TOR1AIP2: variants seen among roughly 807,000 people sequenced by gnomAD.
TOR1AIP2 encodes the protein torsin-1A-interacting protein 2.
TOR1AIP2 carries 20 observed loss-of-function variants against 32.6 expected under a neutral mutation model. That is an observed-to-expected ratio of 0.61 (90% confidence interval 0.43 to 0.89). The LOEUF (loss-of-function observed/expected upper bound fraction) is 0.89. Ranked by LOEUF, TOR1AIP2 falls within the 40% of genes least tolerant of loss-of-function variation. The pLI, the probability that TOR1AIP2 is intolerant of heterozygous loss-of-function variation, is 0.00. For synonymous variants in TOR1AIP2, 214 were observed against 210.8 expected (o/e 1.02, Z -0.13); for missense variants, 456 against 553.8 (o/e 0.82, Z 1.77).
rs1261633992 is a variant in TOR1AIP2 at position 179,851,049 on chromosome 1, G to A, written c.349C>T (p.Pro117Ser). Reference protein sequence around the residue: ...NLGKEPLDPDPSHSPSDKVGR... With the variant: ...NLGKEPLDPDSSHSPSDKVGR... ...ACCTTGTCACTTGGAGAATGGCTGGGATCTGGATCCAAGGGTTCTTTACCC... is the reference window on the plus strand; with the variant it reads ...ACCTTGTCACTTGGAGAATGGCTGGAATCTGGATCCAAGGGTTCTTTACCC... The change falls in exon 5 of 7, where the codon CCC (proline) becomes TCC (serine). Residue 117 changes from proline (P) to serine (S), a missense_variant. Physicochemically the swap from Pro to Ser is moderately conservative, Grantham distance 74 (BLOSUM62 -1). Transcript: ENST00000609928. 6.2e-7 allele frequency: 1 copy of A among 1,614,226 alleles called. No homozygotes were observed. Among genetic ancestry groups the A allele is most frequent in the Non-Finnish European group, 8.5e-7 (1 of 1,180,032 alleles).
chr1:179,851,614 T>C lies in TOR1AIP2; in HGVS notation c.35-251A>G, dbSNP rs568980388. The stretch of plus-strand genomic sequence containing the variant: ...ATGACAGAACAAACTTTTGGCTATA[T>C]TAAATATATCCTCTTCCCTAATGAA... On this transcript the variant is annotated intron_variant, in intron 4 of 6. Transcript: ENST00000609928. Among the ~76,000 whole-genome samples, 7 of 152,310 alleles carry C rather than the reference T, an allele frequency of 4.6e-5. No homozygotes were observed. The South Asian group carries it at 1.4e-3, about 32-fold the overall frequency.
At chr1:179,873,528 T>C (rs1372620554) in intron 2 of TOR1AIP2, among the ~76,000 whole-genome samples, 1 of 152,246 alleles carries the variant, frequency 6.6e-6, no homozygotes, top group African/African-American at 2.4e-5. Flanking sequence ...TTTGTTAACA[T>C]AGTACCTCCA....
At chr1:179,874,510 A>G (rs1473132060) in intron 2 of TOR1AIP2, 1 of 152,304 alleles carries the variant, frequency 6.6e-6, no homozygotes, top group African/African-American at 2.4e-5. Context: ...CTATAATCCC[A>G]GCCTTTTAGG....
intron 3 of TOR1AIP2, among the ~76,000 whole-genome samples, chr1:179,854,763 C>T (rs1267130823): frequency 6.6e-6 from 1 of 152,050 alleles, no homozygotes; most frequent in Non-Finnish European, 1.5e-5. Flanking sequence ...CCCAGCTACT[C>T]AGGAGGCTGA....
rs1553234115 is a variant in TOR1AIP2 at position 179,843,530 on chromosome 1, A to AAG, written c.*2540_*2541insCT. On this transcript the variant is annotated 3_prime_UTR_variant, in exon 7 of 7. Coordinates refer to ENST00000609928, the MANE Select transcript of TOR1AIP2 (RefSeq NM_001199260.2). ...TCTCTCAAAAAAAAAAAAAAAAAAA[A>AAG]AAGAAGTTTGGTTGGGTGCATTGGG... is the stretch of plus-strand genomic sequence containing the variant. 1.3e-5 allele frequency: 2 copies of AAG among 151,864 alleles called. No homozygotes were observed. Among genetic ancestry groups the AAG allele is most frequent in the African/African-American group, 2.4e-5 (1 of 41,018 alleles). 9.4% of individuals were successfully genotyped at this position (151,864 alleles called of 1,614,324 possible). A position where few individuals can be genotyped will look rare whatever the true frequency, so the allele number is the denominator to read the frequency against.
intron 2 of TOR1AIP2, among the ~76,000 whole-genome samples, chr1:179,866,877 T>C (rs1239074466): frequency 6.6e-6 from 1 of 152,202 alleles, no homozygotes; most frequent in Non-Finnish European, 1.5e-5. Context: ...ATGTAGCATG[T>C]AAATAAGGTG....
chr1:179,855,458 T>A (rs1281428), intron 3 of TOR1AIP2, among the ~76,000 whole-genome samples: 40,207 of 151,940 alleles, frequency 0.26, 5,686 homozygotes, highest in African/African-American at 0.36. Flanking sequence ...TAATGAATAT[T>A]AAAAAACAGT....
At chr1:179,863,677 C>CAAAAA (rs904854823) in intron 3 of TOR1AIP2, 43 of 859,824 alleles carry the variant, frequency 5.0e-5, no homozygotes, top group Middle Eastern at 6.1e-4. Context: ...TTTTAAAAAG[C>CAAAAA]AAAAAAAAAA....
intron 5 of TOR1AIP2, among the ~76,000 whole-genome samples, chr1:179,849,274 T>A (rs1696031699): frequency 6.6e-6 from 1 of 152,080 alleles, no homozygotes; most frequent in Non-Finnish European, 1.5e-5. Flanking sequence ...AAAGACAGGG[T>A]CTCACTCTGT....
At chr1:179,857,854 T>C (rs903551822) in intron 3 of TOR1AIP2, among the ~76,000 whole-genome samples, 2 of 152,172 alleles carry the variant, frequency 1.3e-5, no homozygotes, top group Non-Finnish European at 2.9e-5. Flanking sequence ...GCTTTCTTTG[T>C]GTCAGGCAGC....
At chr1:179,864,805 G>A (rs771873028) in intron 3 of TOR1AIP2, 10 of 1,601,250 alleles carry the variant, frequency 6.2e-6, no homozygotes, top group Admixed American at 1.8e-5. Flanking sequence ...CCAGTTTTTT[G>A]TTTAAGGTTT....
In TOR1AIP2 at chr1:179,846,704, G is replaced by C; in HGVS notation, c.780C>G (p.Ser260Arg). The change falls in exon 7 of 7, where the codon AGC becomes AGG. Residue 260 changes from serine (S) to arginine (R), a missense_variant. Coordinates refer to ENST00000609928, the MANE Select transcript of TOR1AIP2 (RefSeq NM_001199260.2). ...GGCCTGGAAATTTATCTTCCAATTG[G>C]CTAAACTGGGCCAAAAAGGCCTCCA... ...PALEAFLAQFSQLEDKFPGQS... is the reference protein window; with the variant it reads ...PALEAFLAQFRQLEDKFPGQS... The C allele has an allele frequency of 6.2e-7, 1 of 1,614,048 alleles. No homozygotes were observed. The highest frequency in any genetic ancestry group is 1.1e-5 in the South Asian group (1 of 91,084).
At chr1:179,865,362 T>C (rs968993871) in intron 3 of TOR1AIP2, 74 bp downstream of exon 3, 1 of 686,924 alleles carries the variant, frequency 1.5e-6, no homozygotes, top group Non-Finnish European at 2.4e-6. Context: ...TTTCGTTGTC[T>C]ATTTTTCACT....
In TOR1AIP2 at chr1:179,850,831, G is replaced by C. The variant is rs201392581; in HGVS notation, c.553+14C>G. 2.5e-4 allele frequency: 400 copies of C among 1,610,036 alleles called. 1 individual carries two copies. The highest frequency in any genetic ancestry group is 4.9e-4 in the Middle Eastern group (3 of 6,062). On this transcript the variant is annotated intron_variant, in intron 5 of 6. Transcript: ENST00000609928. ...CAGTACAAAACAGGAGAGTAGTTCAGGGGGTTCTCTTACCTGGGGCCAGCA... is the reference window on the plus strand; with the variant it reads ...CAGTACAAAACAGGAGAGTAGTTCACGGGGTTCTCTTACCTGGGGCCAGCA...
chr1:179,876,594 T>C (rs1190720467), intron 2 of TOR1AIP2, among the ~76,000 whole-genome samples: 1 of 152,208 alleles, frequency 6.6e-6, no homozygotes, highest in Non-Finnish European at 1.5e-5. Context: ...TGAAGTTCCT[T>C]TTTTTATTAA....
intron 2 of TOR1AIP2, chr1:179,876,260 C>T (rs1294626388): frequency 2.0e-5 from 3 of 152,104 alleles, no homozygotes; most frequent in Non-Finnish European, 4.4e-5. Flanking sequence ...AAGTTATATA[C>T]AAGATACAAT....
intron 5 of TOR1AIP2, among the ~76,000 whole-genome samples, chr1:179,849,498 AC>A (rs1696037528): frequency 6.6e-6 from 1 of 152,252 alleles, no homozygotes; most frequent in South Asian, 2.1e-4. Context: ...TGCTAGGATC[AC>A]AGGAGTGAGC....
intron 5 of TOR1AIP2, among the ~76,000 whole-genome samples, chr1:179,848,150 T>C (rs975702758): frequency 2.0e-5 from 3 of 152,142 alleles, no homozygotes; most frequent in African/African-American, 7.2e-5. Context: ...TCAAGGATAA[T>C]GTTGCTATAT....
At chr1:179,865,225 C>T in intron 3 of TOR1AIP2, 1 of 1,541,578 alleles carries the variant, frequency 6.5e-7, no homozygotes, top group South Asian at 1.3e-5. Flanking sequence ...CAAGAGACAA[C>T]AGTGACAGAG....
Sources: gnomAD v4.1 joint callset for allele counts (sites outside exome capture counted in the v4.1 genomes callset) on GRCh38, gnomAD v4.1.1 for gene constraint, MANE v1.5 for transcripts, NCBI Gene and HGNC (gene_info 2026-07-23, HGNC 2026-07-21) for gene names.